Variants in TXNL1 observed in about 807,000 individuals in gnomAD.
The protein encoded by TXNL1 is thioredoxin-like protein 1.
A neutral mutation model predicts 35.5 loss-of-function variants in TXNL1; 14 were observed. That is an observed-to-expected ratio of 0.39 (90% CI 0.26 to 0.62). The LOEUF (loss-of-function observed/expected upper bound fraction) is 0.62. Among genes scored for constraint, TXNL1 ranks in the 20% least tolerant of loss-of-function variants. TXNL1 has a pLI of 0.47. For missense variants in TXNL1, 263 were observed against 349.7 expected (o/e 0.75, Z 1.98); for synonymous variants, 110 against 115.5 (o/e 0.95, Z 0.31).
At chr18:56,609,456 CTT>C (rs1204445646) in intron 7 of TXNL1, 7 of 152,040 alleles carry the variant, frequency 4.6e-5, no homozygotes, top group African/African-American at 1.4e-4. Flanking sequence ...ATTAGAGAAA[CTT>C]TAACTGAATG....
chr18:56,606,596 A>G (rs925734450), intron 7 of TXNL1, among the ~76,000 whole-genome samples: 1 of 152,164 alleles, frequency 6.6e-6, no homozygotes, highest in African/African-American at 2.4e-5. Context: ...AACTTAGTTC[A>G]AGGCCCTCTT....
At chr18:56,604,682 A>G (rs906089077) in intron 7 of TXNL1, among the ~76,000 whole-genome samples, 11 of 152,344 alleles carry the variant, frequency 7.2e-5, no homozygotes, top group Middle Eastern at 3.4e-3. Flanking sequence ...TATTCAGTCC[A>G]TAAGTCCTTC....
Position 56,614,579 on chromosome 18 carries a change from C to A in TXNL1, c.580G>T (p.Val194Leu). 1 of 1,613,160 alleles carries A rather than the reference C, an allele frequency of 6.2e-7. No homozygotes were observed. Among genetic ancestry groups the A allele is most frequent in the Non-Finnish European group, 8.5e-7 (1 of 1,179,734 alleles). The stretch of plus-strand genomic sequence containing the variant: ...CGGGGTAGGTTGATAAAAATTTTTA[C>A]ATATTTAGGGCCCTGACCTATACAA... ...GPDNGQGPKY[V>L]KIFINLPRSM... is the part of the protein sequence containing the mutation. Residue 194 changes from valine (V) to leucine (L), a missense_variant, in exon 6 of 8, where the codon GTA (valine) becomes TTA (leucine). By Grantham distance (32) the Val-to-Leu change is conservative (BLOSUM62 1). Coordinates refer to ENST00000217515, the MANE Select transcript of TXNL1 (RefSeq NM_004786.3).
intron 3 of TXNL1, among the ~76,000 whole-genome samples, chr18:56,620,042 C>T (rs2024156020): frequency 6.6e-6 from 1 of 152,136 alleles, no homozygotes. Flanking sequence ...TATCTTGGCT[C>T]ACTGAAACCT....
At chr18:56,609,267 T>C (rs2023952346) in intron 7 of TXNL1, 2 of 152,126 alleles carry the variant, frequency 1.3e-5, no homozygotes, top group African/African-American at 4.8e-5. Flanking sequence ...ATGGCTGTTA[T>C]AAAACAAGCA....
chr18:56,618,640 G>A lies in TXNL1; in HGVS notation c.370-514C>T, dbSNP rs191590844. Among the ~76,000 whole-genome samples, 244 of 150,822 alleles carry A rather than the reference G, an allele frequency of 1.6e-3. 1 individual carries two copies. Among genetic ancestry groups the A allele is most frequent in the South Asian group, 2.5e-3 (12 of 4,768 alleles). The stretch of plus-strand genomic sequence containing the variant: ...TAATCATCAACTGAAGGCCACTCTT[G>A]CCTCATCTTTAACCCCCAACTACAT... On this transcript the variant is annotated intron_variant, in intron 3 of 7. Coordinates refer to ENST00000217515, the MANE Select transcript of TXNL1 (RefSeq NM_004786.3).
In TXNL1 at chr18:56,600,351, T is replaced by C. The variant is rs2023796544; in HGVS notation, c.*2676A>G. The C allele has an allele frequency of 6.6e-6, 1 of 151,058 alleles. No homozygotes were observed. Among genetic ancestry groups the C allele is most frequent in the East Asian group, 2.0e-4 (1 of 4,958 alleles). 9.4% of individuals were successfully genotyped at this position (151,058 alleles called of 1,614,324 possible). A position where few individuals can be genotyped will look rare whatever the true frequency, so the allele number is the denominator to read the frequency against. ...AATGTGGGGCAGGTTTCAACTCTAA[T>C]TGTTACGTGGCTGCCTCCAACAGAA... On this transcript the variant is annotated 3_prime_UTR_variant, in exon 8 of 8. Coordinates refer to ENST00000217515, the MANE Select transcript of TXNL1 (RefSeq NM_004786.3).
chr18:56,612,399 T>C (rs1340879067), intron 6 of TXNL1, among the ~76,000 whole-genome samples: 4 of 152,096 alleles, frequency 2.6e-5, no homozygotes, highest in Non-Finnish European at 4.4e-5. Context: ...TTTTTTAAGC[T>C]TGACTCTATA....
In TXNL1 at chr18:56,602,900, T is replaced by G. The variant is rs2023830225; in HGVS notation, c.*127A>C. On this transcript the variant is annotated 3_prime_UTR_variant, in exon 8 of 8. Coordinates refer to ENST00000217515, the MANE Select transcript of TXNL1 (RefSeq NM_004786.3). ...CAATGGAAACACTAGTGATACCATC[T>G]GAACAAAAGCAATGATTTATTGGTA... 1 of 1,028,794 alleles carries G rather than the reference T, an allele frequency of 9.7e-7. No individual in the cohort carries two copies. Among genetic ancestry groups the G allele is most frequent in the African/African-American group, 1.6e-5 (1 of 62,170 alleles). The allele number at this position is 1,028,794 out of a possible 1,614,324, so 63.7% of individuals were successfully genotyped here. A position where few individuals can be genotyped will look rare whatever the true frequency, so the allele number is the denominator to read the frequency against.
At chr18:56,628,223 A>T (rs2024317567) in intron 1 of TXNL1, among the ~76,000 whole-genome samples, 1 of 152,186 alleles carries the variant, frequency 6.6e-6, no homozygotes, top group African/African-American at 2.4e-5. Context: ...AGAATTAAGT[A>T]TTGTCAAGAA....
Position 56,598,280 on chromosome 18 carries a change from C to T in TXNL1, c.*4747G>A, listed in dbSNP as rs1272953192. On this transcript the variant is annotated 3_prime_UTR_variant, in exon 8 of 8. Coordinates refer to ENST00000217515, the MANE Select transcript of TXNL1 (RefSeq NM_004786.3). ...GACAAAATACTTGTATTACAGCTCA[C>T]AATCTAGTAGTCCAAATAAGACTAC... 6.6e-6 allele frequency: 1 copy of T among 152,126 alleles called. No individual in the cohort carries two copies. The highest frequency in any genetic ancestry group is 1.5e-5 in the Non-Finnish European group (1 of 68,014). The allele number at this position is 152,126 out of a possible 1,614,324, so 9.4% of individuals were successfully genotyped here.
rs78961696 is a variant in TXNL1, at chr18:56,631,473, G to T, written c.99-5016C>A. ...ACCTAGTCCAGACATTTAAAATGAAGAAAAAAAAAAAGTTACTTTTCTACT... is the reference window on the plus strand; with the variant it reads ...ACCTAGTCCAGACATTTAAAATGAATAAAAAAAAAAAGTTACTTTTCTACT... On this transcript the variant is annotated intron_variant, in intron 1 of 7. Transcript: ENST00000217515. Among the ~76,000 whole-genome samples, 172 of 144,470 alleles carry T rather than the reference G, an allele frequency of 1.2e-3. 1 individual carries two copies. Among genetic ancestry groups the T allele is most frequent in the Non-Finnish European group, 1.8e-3 (121 of 65,442 alleles). The allele number at this position is 144,470 out of a possible 152,430, so 94.8% of individuals were successfully genotyped here.
At chr18:56,606,801 G>C (rs1210890427) in intron 7 of TXNL1, among the ~76,000 whole-genome samples, 1 of 152,210 alleles carries the variant, frequency 6.6e-6, no homozygotes, top group Admixed American at 6.5e-5. Flanking sequence ...GATCATGACT[G>C]AAGAGTAGTC....
At chr18:56,634,512 T>G (rs2024426457) in intron 1 of TXNL1, among the ~76,000 whole-genome samples, 1 of 152,208 alleles carries the variant, frequency 6.6e-6, no homozygotes, top group Non-Finnish European at 1.5e-5. Context: ...CGTTGACTAT[T>G]TTAATCCTTA....
rs867804791 is a variant in TXNL1 at position 56,614,516 on chromosome 18, T to C, written c.643A>G (p.Thr215Ala). The C allele has an allele frequency of 6.2e-7, 1 of 1,613,976 alleles. No individual in the cohort carries two copies. Among genetic ancestry groups the C allele is most frequent in the African/African-American group, 1.3e-5 (1 of 75,042 alleles). The change falls in exon 6 of 8, where the codon ACT becomes GCT. Residue 215 changes from threonine to alanine, a missense_variant. Physicochemically the swap from Thr to Ala is moderately conservative, Grantham distance 58. Transcript: ENST00000217515. ...DFEEAERSEP[T>A]QALELTEDDI... ...TCCTCTGTCAGTTCCAGAGCTTGAGTTGGTTCACTTCTTTCTGCCTCTTCA... is the reference window on the plus strand; with the variant it reads ...TCCTCTGTCAGTTCCAGAGCTTGAGCTGGTTCACTTCTTTCTGCCTCTTCA...
intron 4 of TXNL1, among the ~76,000 whole-genome samples, chr18:56,617,243 C>G (rs539713909): frequency 6.6e-6 from 1 of 152,242 alleles, no homozygotes; most frequent in Non-Finnish European, 1.5e-5. Flanking sequence ...ACTTTTTATA[C>G]TTGACCCATA....
rs1202275205 is a variant in TXNL1 at position 56,614,431 on chromosome 18, C to T, written c.728G>A (p.Ser243Asn). ...LRYVKFQNVN[S>N]VTIFVQSNQG... ...GAACGAAATACTACTTACAGTTACA[C>T]TGTTAACATTCTGAAACTTAACATA... The change falls in exon 6 of 8, where the codon AGT becomes AAT. Residue 243 changes from serine (S) to asparagine (N), a missense_variant. By Grantham distance (46) the Ser-to-Asn change is conservative. Coordinates refer to ENST00000217515, the MANE Select transcript of TXNL1 (RefSeq NM_004786.3). The T allele has an allele frequency of 3.1e-6, 5 of 1,612,914 alleles. No homozygotes were observed. In the Admixed American group the frequency reaches 8.3e-5, roughly 27 times the overall value.
chr18:56,623,961 C>T (rs1348954759), intron 3 of TXNL1, among the ~76,000 whole-genome samples: 1 of 151,836 alleles, frequency 6.6e-6, no homozygotes, highest in Non-Finnish European at 1.5e-5. Context: ...TTCTAATGCA[C>T]ATTTCTACAT....
intron 6 of TXNL1, among the ~76,000 whole-genome samples, chr18:56,612,542 C>T (rs1357213818): frequency 6.6e-6 from 1 of 152,068 alleles, no homozygotes; most frequent in Non-Finnish European, 1.5e-5. Flanking sequence ...TAAAATATTG[C>T]ACCTATCTCT....
Sources: gnomAD v4.1 joint callset for allele counts (sites outside exome capture counted in the v4.1 genomes callset) on GRCh38, gnomAD v4.1.1 for gene constraint, MANE v1.5 for transcripts, NCBI Gene and HGNC (gene_info 2026-07-23, HGNC 2026-07-21) for gene names.